BMP1: variants seen among roughly 807,000 people sequenced by gnomAD.
The protein encoded by BMP1 is bone morphogenetic protein 1, also known as mammalian tolloid protein.
A neutral mutation model predicts 116.8 loss-of-function variants in BMP1; 63 were observed. That is an observed-to-expected ratio of 0.54 (90% CI 0.44 to 0.67). The LOEUF is 0.67. Ranked by LOEUF, BMP1 falls within the 30% of genes least tolerant of loss-of-function variation. The probability of loss-of-function intolerance (pLI) is 0.00; values close to 1 mark genes in which losing one functional copy is unlikely to be tolerated. For synonymous variants in BMP1, 536 were observed against 533.4 expected (o/e 1.00, Z -0.07); for missense variants, 1,183 against 1,358.9 (o/e 0.87, Z 2.04).
chr8:22,187,328 A>T (rs13262824), intron 8 of BMP1, among the ~76,000 whole-genome samples: 45,031 of 145,628 alleles, frequency 0.31, 7,238 homozygotes, highest in African/African-American at 0.36. Context: ...TTAATTAATT[A>T]ATTTATTTAT....
Position 22,209,638 on chromosome 8 carries a change from G to T in BMP1, c.2769G>T (p.Glu923Asp). The T allele has an allele frequency of 6.2e-7, 1 of 1,614,134 alleles. No homozygotes were observed. The highest frequency in any genetic ancestry group is 8.5e-7 in the Non-Finnish European group (1 of 1,180,002). ...CCGACTGCGGCTATGACTACATGGA[G>T]CTCTTCGACGGCTACGACAGCACAG... ...EETDCGYDYM[E>D]LFDGYDSTAP... The change falls in exon 19 of 20, where the codon GAG (glutamate) becomes GAT (aspartate). Residue 923 changes from glutamate (E) to aspartate (D), a missense_variant. This residue lies in a region of BMP1 where 956 missense variants were observed against 1,135.2 expected (regional missense o/e 0.84). Coordinates refer to ENST00000306385, the MANE Select transcript of BMP1 (RefSeq NM_006129.5).
rs1190296697 is a variant in BMP1 at position 22,197,346 on chromosome 8, A to G, written c.2033A>G (p.Tyr678Cys). ...SEKPEVITSQ[Y>C]NNMRVEFKSD... ...AAGCCCGAGGTCATCACCTCCCAGTACAACAACATGCGCGTGGAGTTCAAG... is the reference window on the plus strand; with the variant it reads ...AAGCCCGAGGTCATCACCTCCCAGTGCAACAACATGCGCGTGGAGTTCAAG... The change falls in exon 15 of 20, where the codon TAC becomes TGC. Residue 678 changes from tyrosine (Y) to cysteine (C), a missense_variant. Physicochemically the swap from Tyr to Cys is radical, Grantham distance 194. This residue lies in a region of BMP1 where 956 missense variants were observed against 1,135.2 expected (regional missense o/e 0.84). Transcript: ENST00000306385. 16 of 1,614,058 alleles carry G rather than the reference A, an allele frequency of 9.9e-6. No individual in the cohort carries two copies. Among genetic ancestry groups the G allele is most frequent in the Non-Finnish European group, 1.4e-5 (16 of 1,179,920 alleles).
chr8:22,184,278 C>T (rs1425913995), intron 8 of BMP1, among the ~76,000 whole-genome samples: 1 of 152,174 alleles, frequency 6.6e-6, no homozygotes. Context: ...AGCTTCCTTC[C>T]CTGTTCTTCC....
At chr8:22,196,297 A>T in intron 13 of BMP1, 1 of 552,470 alleles carries the variant, frequency 1.8e-6, no homozygotes, top group Non-Finnish European at 3.5e-6. Context: ...GCTCCAGCTC[A>T]CTAGGCCGAT....
chr8:22,176,016 C>G (rs1828419149), intron 2 of BMP1, 127 bp from the exon 3 acceptor site: 1 of 974,084 alleles, frequency 1.0e-6, no homozygotes, highest in Non-Finnish European at 1.5e-6. Context: ...ATTTTGGGGA[C>G]TACGAATAAA....
intron 15 of BMP1, among the ~76,000 whole-genome samples, chr8:22,198,046 G>A (rs4072420): frequency 0.048 from 7,347 of 152,274 alleles, 281 homozygotes; most frequent in Admixed American, 0.093. Flanking sequence ...TTAGCAGGGT[G>A]TAGTCGTGTG....
chr8:22,171,434 C>T (rs894861651), intron 1 of BMP1: 1 of 152,186 alleles, frequency 6.6e-6, no homozygotes, highest in African/African-American at 2.4e-5. Context: ...GAAAGCACCA[C>T]AAAAATTTCA....
At position 22,173,703 on chromosome 8, in the gene BMP1, A is replaced by G. The variant is rs1267232582; in HGVS notation, c.250A>G (p.Ile84Val). 2 of 1,611,644 alleles carry G rather than the reference A, an allele frequency of 1.2e-6. No individual in the cohort carries two copies. The highest frequency in any genetic ancestry group is 1.7e-6 in the Non-Finnish European group (2 of 1,178,650). ...LRRHTARKSS[I>V]KAAVPGNTST... ...ACGGCACACAGCTCGTAAGTCCTCC[A>G]TCAAAGCTGCAGGTAAGCCGGGTGC... Residue 84 changes from isoleucine (I) to valine (V), a missense_variant, in exon 2 of 20, where the codon ATC (isoleucine) becomes GTC (valine). Coordinates refer to ENST00000306385, the MANE Select transcript of BMP1 (RefSeq NM_006129.5).
intron 15 of BMP1, chr8:22,201,072 C>T: frequency 1.3e-6 from 2 of 1,559,080 alleles, no homozygotes; most frequent in Non-Finnish European, 1.8e-6. Flanking sequence ...CCCTGCCCTC[C>T]ACCCCCACCC....
chr8:22,168,144 A>G (rs930603820), intron 1 of BMP1, among the ~76,000 whole-genome samples: 13 of 152,112 alleles, frequency 8.5e-5, no homozygotes, highest in Non-Finnish European at 1.9e-4. Context: ...GGCAAAATTA[A>G]TATCCTTGAT....
Position 22,179,001 on chromosome 8 carries a change from A to G in BMP1, c.837-704A>G, listed in dbSNP as rs528445660. On this transcript the variant is annotated intron_variant, in intron 6 of 19. Coordinates refer to ENST00000306385, the MANE Select transcript of BMP1 (RefSeq NM_006129.5). The surrounding 1 kb of genome is among the most constrained non-coding windows in gnomAD (Gnocchi z 4.6). ...CCACAGACCCGGCCTTACATTTCCCACCACATCCCACCCCACCCCCTGCTG... is the reference window on the plus strand; with the variant it reads ...CCACAGACCCGGCCTTACATTTCCCGCCACATCCCACCCCACCCCCTGCTG... 1.3e-5 allele frequency among the ~76,000 whole-genome samples: 2 copies of G among 151,738 alleles called. No individual in the cohort carries two copies. Among genetic ancestry groups the G allele is most frequent in the South Asian group, 4.2e-4 (2 of 4,794 alleles).
rs748170130 is a variant in BMP1, at chr8:22,207,321, A to G, written c.2380A>G (p.Ile794Val). 1.9e-6 allele frequency: 3 copies of G among 1,612,924 alleles called. No homozygotes were observed. Among genetic ancestry groups the G allele is most frequent in the South Asian group, 1.1e-5 (1 of 91,078 alleles). Reference sequence around the variant, plus strand: ...CCCCTAGACCTTCATGGAGATGGACATCGAGTCCCAGCCTGAGTGTGCCTA... The same window carrying G: ...CCCCTAGACCTTCATGGAGATGGACGTCGAGTCCCAGCCTGAGTGTGCCTA... ...RVKLTFMEMD[I>V]ESQPECAYDH... The change falls in exon 18 of 20, where the codon ATC becomes GTC. Residue 794 changes from isoleucine (I) to valine (V), a missense_variant. Around this residue, in one of 4 missense-constraint regions of BMP1, gnomAD observed 956 missense variants for 1,135.2 expected, o/e 0.84. Coordinates refer to ENST00000306385, the MANE Select transcript of BMP1 (RefSeq NM_006129.5).
chr8:22,181,891 T>C (rs1322631166), intron 8 of BMP1, among the ~76,000 whole-genome samples: 1 of 152,112 alleles, frequency 6.6e-6, no homozygotes, highest in Non-Finnish European at 1.5e-5. Flanking sequence ...TCTCTTCTTC[T>C]CCCTTAAGCC....
At chr8:22,175,182 T>C (rs1389419699) in intron 2 of BMP1, among the ~76,000 whole-genome samples, 2 of 152,206 alleles carry the variant, frequency 1.3e-5, no homozygotes, top group Admixed American at 6.5e-5. Flanking sequence ...CAGGTGACTT[T>C]GGCCAAACCT....
At chr8:22,196,521 C>G in intron 13 of BMP1, 159 bp from the exon 14 acceptor site, 1 of 1,084,050 alleles carries the variant, frequency 9.2e-7, no homozygotes, top group South Asian at 1.5e-5. Flanking sequence ...GGCCACCCTG[C>G]CTCCTCCCGT....
intron 15 of BMP1, chr8:22,199,129 G>T: frequency 7.3e-7 from 1 of 1,367,484 alleles, no homozygotes; most frequent in Non-Finnish European, 9.8e-7. Flanking sequence ...AGCCCTGCAC[G>T]GAGACACACA....
At chr8:22,192,676 T>G (rs1039968075) in intron 9 of BMP1, among the ~76,000 whole-genome samples, 12 of 152,150 alleles carry the variant, frequency 7.9e-5, no homozygotes, top group Non-Finnish European at 1.5e-4. Context: ...ATAGGATACT[T>G]TGTCCCGAGG....
At chr8:22,166,131 C>T (rs1828099789) in intron 1 of BMP1, among the ~76,000 whole-genome samples, 1 of 151,900 alleles carries the variant, frequency 6.6e-6, no homozygotes, top group Non-Finnish European at 1.5e-5. Context: ...CTGGGTATCC[C>T]GTAGTTTAAC....
chr8:22,196,756 C>T lies in BMP1; in HGVS notation c.1842C>T (p.Asn614=). The change falls in exon 14 of 20, where the codon AAC becomes AAT. Residue 614 remains asparagine (N), a synonymous_variant. Transcript: ENST00000306385. ...SPGWPKEYPP[N]KNCIWQLVAP... ...GCTGGCCCAAGGAGTACCCCCCCAA[C>T]AAGAACTGCATCTGGCAGCTGGTGG... 2 of 1,614,110 alleles carry T rather than the reference C, an allele frequency of 1.2e-6. No individual in the cohort carries two copies. Among genetic ancestry groups the T allele is most frequent in the Non-Finnish European group, 1.7e-6 (2 of 1,180,010 alleles).
Sources: gnomAD v4.1 joint callset for allele counts (sites outside exome capture counted in the v4.1 genomes callset) on GRCh38, gnomAD v4.1.1 for gene constraint, gnomAD v4.1.1 regional missense constraint, Gnocchi (gnomAD v3.1) non-coding constraint, MANE v1.5 for transcripts, NCBI Gene and HGNC (gene_info 2026-07-23, HGNC 2026-07-21) for gene names.